The following ZFP2 variants were observed in gnomAD, a reference collection of about 807,000 sequenced individuals.
ZFP2 encodes the protein zinc finger protein ZFP2.
ZFP2 carries 33 observed loss-of-function variants against 36.1 expected under a neutral mutation model. The ratio of observed to expected loss-of-function variants is 0.92; its 90% CI spans 0.69 to 1.22. The LOEUF is 1.22. Among genes scored for constraint, ZFP2 ranks in the 50% most tolerant of loss-of-function variants. The pLI, the probability that ZFP2 is intolerant of heterozygous loss-of-function variation, is 0.00. For synonymous variants in ZFP2, 170 were observed against 178.0 expected, an observed-to-expected ratio of 0.96 and a Z score of 0.36; for missense variants, 522 against 551.4, an observed-to-expected ratio of 0.95 and a Z score of 0.53.
intron 1 of ZFP2, among the ~76,000 whole-genome samples, chr5:178,909,249 C>G (rs1758238637): frequency 6.6e-6 from 1 of 152,174 alleles, no homozygotes; most frequent in Non-Finnish European, 1.5e-5. Flanking sequence ...TTCTAGCACT[C>G]CCAGGCTCAT....
At chr5:178,918,669 G>A (rs11745403) in intron 4 of ZFP2, among the ~76,000 whole-genome samples, 75,071 of 152,072 alleles carry the variant, frequency 0.49, 18,574 homozygotes, top group South Asian at 0.53. Flanking sequence ...GGAGTATTGA[G>A]TATTTCCAGT....
Position 178,909,588 on chromosome 5 carries a change from C to T in ZFP2, c.-449-2996C>T, listed in dbSNP as rs549588927. 4.9e-5 allele frequency: 47 copies of T among 959,756 alleles called. 2 individuals carry two copies. In the South Asian group the frequency reaches 1.1e-3, roughly 23 times the overall value. 59.5% of individuals were successfully genotyped at this position (959,756 alleles called of 1,614,324 possible). ...CGGCCTGGTGTTGAGTCTGATCACC[C>T]CAACAAAGGTGTGAAGTAGAAACTA... On this transcript the variant is annotated intron_variant, in intron 1 of 4. Transcript: ENST00000361362.
chr5:178,922,542 TGTCTA>T, intron 4 of ZFP2: 1 of 1,422,160 alleles, frequency 7.0e-7, no homozygotes, highest in Non-Finnish European at 1.0e-6. Flanking sequence ...ATCACTGCAA[TGTCTA>T]GTTTTGTAGG....
At chr5:178,909,646 A>G (rs1487974681) in intron 1 of ZFP2, 62 of 1,422,780 alleles carry the variant, frequency 4.4e-5, no homozygotes, top group Non-Finnish European at 5.5e-5. Flanking sequence ...AAAAGGTCCA[A>G]TTCCTCAGTT....
chr5:178,921,655 C>T (rs1364249957), intron 4 of ZFP2, among the ~76,000 whole-genome samples: 2 of 149,534 alleles, frequency 1.3e-5, no homozygotes, highest in African/African-American at 4.9e-5. Flanking sequence ...TAGAGCTTTT[C>T]CTGGAGAACC....
chr5:178,912,888 C>T, intron 2 of ZFP2, 94 bp from the exon 3 acceptor site: 5 of 899,538 alleles, frequency 5.6e-6, no homozygotes, highest in Non-Finnish European at 6.7e-6. Flanking sequence ...TTCCTTGTTT[C>T]AGAAGCCCTG....
intron 1 of ZFP2, among the ~76,000 whole-genome samples, chr5:178,907,366 A>G (rs1355629261): frequency 1.3e-5 from 2 of 151,446 alleles, no homozygotes; most frequent in East Asian, 3.9e-4. Context: ...TATTTTATAT[A>G]TGTATATATA....
At chr5:178,927,282 C>T (rs776345734) in intron 4 of ZFP2, among the ~76,000 whole-genome samples, 4 of 152,094 alleles carry the variant, frequency 2.6e-5, no homozygotes, top group Admixed American at 2.6e-4. Flanking sequence ...CTGTCTTACC[C>T]CTGTGAATAA....
intron 4 of ZFP2, 85 bp from the exon 5 acceptor site, chr5:178,931,152 T>A: frequency 7.3e-7 from 1 of 1,370,516 alleles, no homozygotes; most frequent in South Asian, 1.7e-5. Flanking sequence ...TGATAGCTAG[T>A]TTAATTCTCT....
chr5:178,931,219 AT>A lies in ZFP2; in HGVS notation c.-77-4del, dbSNP rs10611847. 0.081 allele frequency: 98,074 copies of A among 1,204,850 alleles called. 339 individuals are homozygous for A. Among genetic ancestry groups the A allele is most frequent in the East Asian group, 0.15 (5,367 of 36,430 alleles). The allele number at this position is 1,204,850 out of a possible 1,614,324, so 74.6% of individuals were successfully genotyped here. A position where few individuals can be genotyped will look rare whatever the true frequency, so the allele number is the denominator to read the frequency against. On this transcript the variant is annotated splice_polypyrimidine_tract_variant and intron_variant, in intron 4 of 4. Coordinates refer to ENST00000361362, the MANE Select transcript of ZFP2 (RefSeq NM_030613.4). ...AGCACAGAAACCAATGTGCATTTGA[AT>A]TTTTTTTTTTTTTCAGACTGGGAGA...
intron 4 of ZFP2, among the ~76,000 whole-genome samples, chr5:178,924,777 G>A (rs1201892494): frequency 1.3e-5 from 2 of 148,842 alleles, no homozygotes; most frequent in Middle Eastern, 3.2e-3. Context: ...GAACCCAGGA[G>A]GCGGAGGTAG....
intron 1 of ZFP2, chr5:178,910,387 C>T: frequency 1.1e-6 from 1 of 950,850 alleles, no homozygotes; most frequent in Non-Finnish European, 1.7e-6. Context: ...GAGTTGGACT[C>T]CCTCCCACCA....
chr5:178,908,891 C>G (rs1280602004), intron 1 of ZFP2, among the ~76,000 whole-genome samples: 1 of 152,128 alleles, frequency 6.6e-6, no homozygotes, highest in Non-Finnish European at 1.5e-5. Flanking sequence ...GCATGTCTGA[C>G]ATAGTGTAAA....
chr5:178,924,835 C>T (rs1021419860), intron 4 of ZFP2, among the ~76,000 whole-genome samples: 17 of 147,932 alleles, frequency 1.1e-4, no homozygotes, highest in African/African-American at 3.7e-4. Context: ...GCGACAAGAG[C>T]AAAACTCCAT....
chr5:178,915,322 C>CTTTTT lies in ZFP2; in HGVS notation c.-223-1224_-223-1220dup, dbSNP rs769089977. The stretch of plus-strand genomic sequence containing the variant: ...GGTTAGAACCTAAAGGTTTTTCTTT[C>CTTTTT]TTTTTTTTTTTTTTTTTTTTTTTGA... On this transcript the variant is annotated intron_variant, in intron 3 of 4. Transcript: ENST00000361362. Among the ~76,000 whole-genome samples the CTTTTT allele has an allele frequency of 2.4e-3, 176 of 72,682 alleles. 1 individual carries two copies. Among genetic ancestry groups the CTTTTT allele is most frequent in the Non-Finnish European group, 3.5e-3 (140 of 40,258 alleles). 47.7% of individuals were successfully genotyped at this position (72,682 alleles called of 152,430 possible).
chr5:178,922,620 T>C, intron 4 of ZFP2: 1 of 1,584,134 alleles, frequency 6.3e-7, no homozygotes, highest in Non-Finnish European at 8.6e-7. Context: ...ATGGCCCATC[T>C]CCTGTACGCT....
rs554608159 is a variant in ZFP2 at position 178,921,755 on chromosome 5, C to T, written c.-78+5045C>T. 1.0e-3 allele frequency among the ~76,000 whole-genome samples: 152 copies of T among 149,310 alleles called. 5 individuals are homozygous for T. The highest frequency in any genetic ancestry group is 3.3e-3 in the African/African-American group (138 of 41,264). ...AGCTGAGGAAAAAAAGGAAGCTCACCACTGGTTCAGTGGTACTTTGGATTT... is the reference window on the plus strand; with the variant it reads ...AGCTGAGGAAAAAAAGGAAGCTCACTACTGGTTCAGTGGTACTTTGGATTT... On this transcript the variant is annotated intron_variant, in intron 4 of 4. Coordinates refer to ENST00000361362, the MANE Select transcript of ZFP2 (RefSeq NM_030613.4).
chr5:178,901,137 G>A (rs1466557241), intron 1 of ZFP2, among the ~76,000 whole-genome samples: 3 of 151,316 alleles, frequency 2.0e-5, no homozygotes, highest in Non-Finnish European at 3.0e-5. Context: ...GTACATTCAT[G>A]TATGAGTCTT....
chr5:178,906,758 A>G (rs560252939), intron 1 of ZFP2, among the ~76,000 whole-genome samples: 2 of 151,824 alleles, frequency 1.3e-5, no homozygotes, highest in South Asian at 2.1e-4. Flanking sequence ...GGGTTTCACC[A>G]TGTTGGCCAA....
Sources: allele counts gnomAD v4.1 joint callset (sites outside exome capture counted in the v4.1 genomes callset), GRCh38; gene constraint gnomAD v4.1.1; transcripts MANE v1.5; gene names NCBI Gene and HGNC (gene_info 2026-07-23, HGNC 2026-07-21).